CPNE8: variants seen among roughly 807,000 people sequenced by gnomAD.
CPNE8 encodes the protein copine 8.
Under a neutral mutation model 81.5 loss-of-function variants are expected in CPNE8, and 45 were observed. That is an observed-to-expected ratio of 0.55 (90% confidence interval 0.44 to 0.71). The LOEUF is 0.71. Ranked by LOEUF, CPNE8 falls within the 30% of genes least tolerant of loss-of-function variation. The pLI is 0.00. For missense variants in CPNE8, 594 were observed against 672.1 expected, an observed-to-expected ratio of 0.88 and a Z score of 1.28; for synonymous variants, 252 against 226.3, an observed-to-expected ratio of 1.11 and a Z score of -1.02.
chr12:38,663,048 C>T (rs1174540051), intron 19 of CPNE8, among the ~76,000 whole-genome samples: 3 of 151,670 alleles, frequency 2.0e-5, no homozygotes. Flanking sequence ...AGAAAGAAAC[C>T]ACAGGGGAAA....
chr12:38,689,822 G>A (rs191742720), intron 15 of CPNE8, among the ~76,000 whole-genome samples: 6 of 152,228 alleles, frequency 3.9e-5, no homozygotes, highest in South Asian at 2.1e-4. Context: ...CCAGAGCTCC[G>A]CACTATTGCG....
chr12:38,874,805 G>A (rs1271215539), intron 1 of CPNE8, among the ~76,000 whole-genome samples: 1 of 152,096 alleles, frequency 6.6e-6, no homozygotes, highest in Non-Finnish European at 1.5e-5. Flanking sequence ...CTCTTTGAGA[G>A]AATTAACTGT....
intron 6 of CPNE8, among the ~76,000 whole-genome samples, chr12:38,819,385 A>G (rs1010483959): frequency 1.3e-5 from 2 of 152,264 alleles, no homozygotes; most frequent in Admixed American, 1.3e-4. Context: ...TAATGCAATC[A>G]AGTTAGCCAC....
At chr12:38,767,999 C>T (rs1211819595) in intron 7 of CPNE8, among the ~76,000 whole-genome samples, 3 of 152,058 alleles carry the variant, frequency 2.0e-5, no homozygotes, top group South Asian at 2.1e-4. Context: ...TGATATTAAG[C>T]TAGGTGATGC....
chr12:38,730,272 A>G lies in CPNE8; in HGVS notation c.798+11T>C. On this transcript the variant is annotated intron_variant, in intron 11 of 19. Coordinates refer to ENST00000331366, the MANE Select transcript of CPNE8 (RefSeq NM_153634.3). Reference sequence around the variant, plus strand: ...TAGAAAAAAACAATGGTAAAATAAAATGCCTCTTACCTCATATACGTTGAA... The same window carrying G: ...TAGAAAAAAACAATGGTAAAATAAAGTGCCTCTTACCTCATATACGTTGAA... 6.7e-7 allele frequency: 1 copy of G among 1,483,906 alleles called. No individual in the cohort carries two copies. Among genetic ancestry groups the G allele is most frequent in the Non-Finnish European group, 9.4e-7 (1 of 1,066,472 alleles). The allele number at this position is 1,483,906 out of a possible 1,614,324, so 91.9% of individuals were successfully genotyped here.
intron 4 of CPNE8, among the ~76,000 whole-genome samples, chr12:38,840,845 A>G (rs1326006433): frequency 6.6e-6 from 1 of 152,178 alleles, no homozygotes. Flanking sequence ...CCCTGGCATT[A>G]AAGAGTTTGT....
At chr12:38,894,780 C>A (rs1944365678) in intron 1 of CPNE8, among the ~76,000 whole-genome samples, 1 of 150,896 alleles carries the variant, frequency 6.6e-6, no homozygotes, top group African/African-American at 2.4e-5. Flanking sequence ...GTTTGTGTTA[C>A]TTTCAATTAC....
At chr12:38,760,455 G>GTATATATATATATATATATATATATA (rs1565601629) in intron 10 of CPNE8, among the ~76,000 whole-genome samples, 1 of 108,370 alleles carries the variant, frequency 9.2e-6, no homozygotes, top group Non-Finnish European at 1.6e-5. Context: ...ATATATATGT[G>GTATATATATATATATATATATATATA]TGTGTATATA....
At chr12:38,795,439 C>A (rs1342155744) in intron 6 of CPNE8, among the ~76,000 whole-genome samples, 1 of 152,130 alleles carries the variant, frequency 6.6e-6, no homozygotes, top group East Asian at 1.9e-4. Context: ...TTAATAGCGG[C>A]ACTATTCACA....
rs770984926 is a variant in CPNE8 at position 38,717,429 on chromosome 12, G to GTGTATATATATATATATATATATATA, written c.914+6342_914+6343insTATATATATATATATATATATATACA. Among the ~76,000 whole-genome samples, 24 of 87,024 alleles carry GTGTATATATATATATATATATATATA rather than the reference G, an allele frequency of 2.8e-4. 2 individuals carry two copies. The highest frequency in any genetic ancestry group is 2.2e-3 in the Admixed American group (15 of 6,734). The allele number at this position is 87,024 out of a possible 152,430, so 57.1% of individuals were successfully genotyped here. A position where few individuals can be genotyped will look rare whatever the true frequency, so the allele number is the denominator to read the frequency against. On this transcript the variant is annotated intron_variant, in intron 13 of 19. Coordinates refer to ENST00000331366, the MANE Select transcript of CPNE8 (RefSeq NM_153634.3). ...AACAAGTAAACAAAGAAAGTGTGGT[G>GTGTATATATATATATATATATATATA]TATATATATATATATATATATATAT...
chr12:38,670,245 C>T (rs1939143656), intron 19 of CPNE8, among the ~76,000 whole-genome samples: 1 of 152,082 alleles, frequency 6.6e-6, no homozygotes, highest in Non-Finnish European at 1.5e-5. Flanking sequence ...CTTCCTTTTC[C>T]TATCCAAAAA....
At chr12:38,850,566 A>G (rs1294726305) in intron 3 of CPNE8, among the ~76,000 whole-genome samples, 3 of 152,182 alleles carry the variant, frequency 2.0e-5, no homozygotes, top group African/African-American at 7.2e-5. Flanking sequence ...TATATCCATT[A>G]CAATATGTCT....
At chr12:38,835,516 GC>G (rs964351625) in intron 5 of CPNE8, among the ~76,000 whole-genome samples, 3 of 152,066 alleles carry the variant, frequency 2.0e-5, no homozygotes, top group African/African-American at 7.2e-5. Context: ...TAGGAGAGAG[GC>G]CTTGTTTGTC....
rs570189754 is a variant in CPNE8 at position 38,668,077 on chromosome 12, G to A, written c.1506+2652C>T. 1.6e-4 allele frequency among the ~76,000 whole-genome samples: 25 copies of A among 152,312 alleles called. No individual in the cohort carries two copies. The Middle Eastern group carries it at 0.017, about 104-fold the overall frequency. On this transcript the variant is annotated intron_variant, in intron 19 of 19. Coordinates refer to ENST00000331366, the MANE Select transcript of CPNE8 (RefSeq NM_153634.3). ...GCCTCCCAAAGTGCTGGGATTACAG[G>A]CATGAGCCACTGTGCCCGGTTGGAT...
chr12:38,782,648 C>T (rs1484218863), intron 6 of CPNE8, among the ~76,000 whole-genome samples: 1 of 151,638 alleles, frequency 6.6e-6, no homozygotes, highest in Non-Finnish European at 1.5e-5. Flanking sequence ...TTAAAGTAAA[C>T]AGGAGTTCTG....
intron 10 of CPNE8, among the ~76,000 whole-genome samples, chr12:38,757,880 A>G (rs1224627230): frequency 6.6e-6 from 1 of 151,898 alleles, no homozygotes; most frequent in African/African-American, 2.4e-5. Context: ...TCACCCCTTT[A>G]TTTTCAGTCT....
At chr12:38,669,051 CAA>C (rs34724194) in intron 19 of CPNE8, among the ~76,000 whole-genome samples, 22 of 148,706 alleles carry the variant, frequency 1.5e-4, no homozygotes, top group Non-Finnish European at 2.5e-4. Flanking sequence ...GACTCTGCCT[CAA>C]AAAAAAAAAT....
chr12:38,749,277 G>A (rs753745113), intron 10 of CPNE8, among the ~76,000 whole-genome samples: 13 of 152,162 alleles, frequency 8.5e-5, no homozygotes, highest in South Asian at 4.1e-4. Context: ...CCCCCGCCAC[G>A]TGGAACTGTA....
chr12:38,820,844 C>A (rs545591174), intron 6 of CPNE8, among the ~76,000 whole-genome samples: 1 of 152,290 alleles, frequency 6.6e-6, no homozygotes, highest in East Asian at 1.9e-4. Context: ...ATGGCAACCT[C>A]AAAAATGGAT....
Sources: gnomAD v4.1 joint callset for allele counts (sites outside exome capture counted in the v4.1 genomes callset) on GRCh38, gnomAD v4.1.1 for gene constraint, MANE v1.5 for transcripts, NCBI Gene and HGNC (gene_info 2026-07-23, HGNC 2026-07-21) for gene names.